Variants in AK5 observed in about 807,000 individuals in gnomAD.
AK5 encodes the protein adenylate kinase isoenzyme 5.
In AK5, 27 loss-of-function variants were observed where a neutral mutation model predicts 69.5. That is an observed-to-expected ratio of 0.39 (90% CI 0.29 to 0.54). The LOEUF (loss-of-function observed/expected upper bound fraction) is 0.54, where lower values mean the gene tolerates loss of function less well. Among genes scored for constraint, AK5 ranks in the 20% least tolerant of loss-of-function variants. The pLI is 0.71. For synonymous variants in AK5, 260 were observed against 244.4 expected (o/e 1.06, Z -0.60); for missense variants, 531 against 700.4 (o/e 0.76, Z 2.73).
At chr1:77,290,823 C>T (rs1196197169) in intron 2 of AK5, among the ~76,000 whole-genome samples, 3 of 152,176 alleles carry the variant, frequency 2.0e-5, no homozygotes, top group African/African-American at 7.2e-5. Context: ...ACTGAAAATA[C>T]AACCACCAGG....
chr1:77,378,408 G>A (rs1647382505), intron 6 of AK5, among the ~76,000 whole-genome samples: 1 of 151,982 alleles, frequency 6.6e-6, no homozygotes, highest in African/African-American at 2.4e-5. Context: ...TGCAACCTCC[G>A]CCTCTCGGGT....
intron 8 of AK5, among the ~76,000 whole-genome samples, chr1:77,422,931 G>A (rs1392004854): frequency 6.6e-6 from 1 of 152,086 alleles, no homozygotes; most frequent in East Asian, 1.9e-4. Context: ...TAGAAGTACT[G>A]TTGGCTGGGT....
At chr1:77,482,086 T>C (rs557643334) in intron 8 of AK5, among the ~76,000 whole-genome samples, 2 of 152,336 alleles carry the variant, frequency 1.3e-5, no homozygotes, top group South Asian at 4.1e-4. Context: ...TAAACACATA[T>C]GCATGTATAA....
At chr1:77,450,089 T>G (rs1653046857) in intron 8 of AK5, among the ~76,000 whole-genome samples, 1 of 152,142 alleles carries the variant, frequency 6.6e-6, no homozygotes, top group Non-Finnish European at 1.5e-5. Flanking sequence ...CAGTCTCTGC[T>G]AAAACAGCAA....
intron 13 of AK5, among the ~76,000 whole-genome samples, chr1:77,539,823 T>C (rs563360724): frequency 6.6e-6 from 1 of 152,322 alleles, no homozygotes; most frequent in East Asian, 1.9e-4. Flanking sequence ...TCCTCCCTGT[T>C]GTTTTACTGG....
At chr1:77,456,952 A>G (rs372422765) in intron 8 of AK5, among the ~76,000 whole-genome samples, 1 of 150,804 alleles carries the variant, frequency 6.6e-6, no homozygotes, top group Admixed American at 6.6e-5. Flanking sequence ...TGGGAGGTAC[A>G]TTTTCTAAAA....
At chr1:77,347,901 G>A (rs1410688503) in intron 6 of AK5, among the ~76,000 whole-genome samples, 6 of 151,986 alleles carry the variant, frequency 3.9e-5, no homozygotes, top group African/African-American at 1.2e-4. Flanking sequence ...TTCACACCCC[G>A]TAGACAGAAA....
intron 5 of AK5, among the ~76,000 whole-genome samples, chr1:77,325,677 G>T (rs1660766298): frequency 6.6e-6 from 1 of 151,788 alleles, no homozygotes; most frequent in South Asian, 2.1e-4. Context: ...CCACTGTATT[G>T]AAATAATATT....
intron 9 of AK5, among the ~76,000 whole-genome samples, chr1:77,484,926 T>C (rs1317483248): frequency 6.6e-6 from 1 of 152,244 alleles, no homozygotes; most frequent in African/African-American, 2.4e-5. Context: ...GTACCATCAT[T>C]CATTTTAAAA....
At chr1:77,420,088 A>G (rs986804109) in intron 8 of AK5, among the ~76,000 whole-genome samples, 3 of 150,288 alleles carry the variant, frequency 2.0e-5, no homozygotes, top group Admixed American at 6.6e-5. Flanking sequence ...AACAATAAAC[A>G]TAGTAAATTA....
intron 8 of AK5, among the ~76,000 whole-genome samples, chr1:77,452,126 T>C (rs1653195255): frequency 6.6e-6 from 1 of 152,224 alleles, no homozygotes; most frequent in Admixed American, 6.5e-5. Flanking sequence ...CTTTTTTATA[T>C]CCCCGTAATC....
rs529492280 is a variant in AK5 at position 77,471,346 on chromosome 1, G to T, written c.1060-11971G>T. Among the ~76,000 whole-genome samples the T allele has an allele frequency of 9.2e-5, 14 of 152,214 alleles. No individual in the cohort carries two copies. In the South Asian group the frequency reaches 2.7e-3, roughly 29 times the overall value. ...ATGGGGATAATACCTCCTTCAGTTGGCTGCTGTGGTAAGCAAATTAAATAA... is the reference window on the plus strand; with the variant it reads ...ATGGGGATAATACCTCCTTCAGTTGTCTGCTGTGGTAAGCAAATTAAATAA... On this transcript the variant is annotated intron_variant, in intron 8 of 13. Coordinates refer to ENST00000354567, the MANE Select transcript of AK5 (RefSeq NM_174858.3).
intron 8 of AK5, among the ~76,000 whole-genome samples, chr1:77,481,475 G>A (rs745390536): frequency 6.6e-6 from 1 of 152,208 alleles, no homozygotes; most frequent in Non-Finnish European, 1.5e-5. Context: ...TCTCTTACCT[G>A]GAATAGCACT....
chr1:77,425,558 G>A, intron 8 of AK5, among the ~76,000 whole-genome samples: 1 of 152,110 alleles, frequency 6.6e-6, no homozygotes, highest in East Asian at 1.9e-4. Context: ...CTGCACTCCG[G>A]CCTGGGTGAT....
At chr1:77,526,990 C>G (rs945268628) in intron 12 of AK5, among the ~76,000 whole-genome samples, 1 of 152,098 alleles carries the variant, frequency 6.6e-6, no homozygotes, top group South Asian at 2.1e-4. Flanking sequence ...TGGGGTTCCA[C>G]ATCATTTTGA....
intron 6 of AK5, among the ~76,000 whole-genome samples, chr1:77,371,048 A>G (rs181012258): frequency 2.4e-4 from 37 of 152,318 alleles, no homozygotes; most frequent in Admixed American, 2.0e-3. Context: ...ACTCCATCCC[A>G]TGCTGACCCA....
At chr1:77,533,251 C>T (rs1365120316) in intron 12 of AK5, among the ~76,000 whole-genome samples, 1 of 152,030 alleles carries the variant, frequency 6.6e-6, no homozygotes, top group African/African-American at 2.4e-5. Flanking sequence ...TGCGGTGGCT[C>T]ACACCTGTAA....
At chr1:77,505,506 T>G (rs548452615) in intron 10 of AK5, among the ~76,000 whole-genome samples, 1 of 152,332 alleles carries the variant, frequency 6.6e-6, no homozygotes, top group African/African-American at 2.4e-5. Flanking sequence ...CTTTTTACTT[T>G]TCTGAATTAT....
intron 8 of AK5, among the ~76,000 whole-genome samples, chr1:77,426,791 C>G (rs1651238865): frequency 6.6e-6 from 1 of 152,128 alleles, no homozygotes; most frequent in Non-Finnish European, 1.5e-5. Context: ...AGTGTCTGCT[C>G]TCAGAACACA....
Sources: allele counts gnomAD v4.1 joint callset (sites outside exome capture counted in the v4.1 genomes callset), GRCh38; gene constraint gnomAD v4.1.1; transcripts MANE v1.5; gene names NCBI Gene and HGNC (gene_info 2026-07-23, HGNC 2026-07-21).